The following VNN2 variants were observed in gnomAD, a reference collection of about 807,000 sequenced individuals.
VNN2 encodes pantetheine hydrolase VNN2.
A neutral mutation model predicts 43.0 loss-of-function variants in VNN2; 43 were observed. That is an observed-to-expected ratio of 1.00 (90% CI 0.78 to 1.29). VNN2 has a LOEUF of 1.29. Ranked by LOEUF, VNN2 falls within the 50% of genes most tolerant of loss-of-function variation. VNN2 has a pLI of 0.00. For missense variants in VNN2, 652 were observed against 619.7 expected, an observed-to-expected ratio of 1.05 and a Z score of -0.55; for synonymous variants, 230 against 224.3, an observed-to-expected ratio of 1.03 and a Z score of -0.23.
chr6:132,748,727 G>A (rs1485021273), intron 6 of VNN2, among the ~76,000 whole-genome samples: 1 of 152,200 alleles, frequency 6.6e-6, no homozygotes, highest in African/African-American at 2.4e-5. Context: ...ATTCTAATTT[G>A]AAGCCAGCTT....
At chr6:132,748,047 G>A (rs1314396525) in intron 6 of VNN2, among the ~76,000 whole-genome samples, 1 of 152,230 alleles carries the variant, frequency 6.6e-6, no homozygotes, top group Non-Finnish European at 1.5e-5. Flanking sequence ...TGGCAAAGTA[G>A]TACGAGAAAA....
At position 132,749,688 on chromosome 6, in the gene VNN2, C is replaced by A; in HGVS notation, c.1371+7G>T. The A allele has an allele frequency of 1.2e-6, 2 of 1,609,506 alleles. No individual in the cohort carries two copies. Among genetic ancestry groups the A allele is most frequent in the Non-Finnish European group, 1.7e-6 (2 of 1,177,674 alleles). ...AAATGAAAATACTCTTATAAAAGTCCTCTTACCTCAAATTTTCCAGGTGAC... is the reference window on the plus strand; with the variant it reads ...AAATGAAAATACTCTTATAAAAGTCATCTTACCTCAAATTTTCCAGGTGAC... On this transcript the variant is annotated splice_region_variant and intron_variant, in intron 6 of 6. Transcript: ENST00000326499.
Position 132,757,117 on chromosome 6 carries a change from A to G in VNN2, c.344+299T>C, listed in dbSNP as rs3817927. Reference sequence around the variant, plus strand: ...GGCTTTGGAATGTATTCCTAACACAATCCACTGTCTACTTCAGAAATTAAG... The same window carrying G: ...GGCTTTGGAATGTATTCCTAACACAGTCCACTGTCTACTTCAGAAATTAAG... On this transcript the variant is annotated intron_variant, in intron 2 of 6. Transcript: ENST00000326499. Among the ~76,000 whole-genome samples the G allele has an allele frequency of 1.3e-4, 20 of 152,262 alleles. No homozygotes were observed. The East Asian group carries it at 3.7e-3, about 28-fold the overall frequency.
chr6:132,750,718 G>A (rs902236882), intron 5 of VNN2, among the ~76,000 whole-genome samples: 26 of 150,548 alleles, frequency 1.7e-4, no homozygotes, highest in Non-Finnish European at 2.2e-4. Context: ...CAAAACCCGG[G>A]ACATCTGATT....
intron 6 of VNN2, among the ~76,000 whole-genome samples, chr6:132,745,655 C>T (rs1409221591): frequency 2.0e-5 from 3 of 152,136 alleles, no homozygotes; most frequent in African/African-American, 4.8e-5. Flanking sequence ...CACTGGCTAG[C>T]GCTGAAGATT....
Position 132,757,465 on chromosome 6 carries a change from C to A in VNN2, c.295G>T (p.Asp99Tyr), listed in dbSNP as rs780160042. Reference protein sequence around the residue: ...TRETVFPYLEDIPDPQVNWIP... With the variant: ...TRETVFPYLEYIPDPQVNWIP... ...CAGTTCACCTGAGGGTCTGGGATAT[C>A]CTCCAGATAAGGGAAAACAGTTTCC... The change falls in exon 2 of 7, where the codon GAT becomes TAT. Residue 99 changes from aspartate (D) to tyrosine (Y), a missense_variant. Asp to Tyr is a radical substitution (Grantham distance 160). Transcript: ENST00000326499. The A allele has an allele frequency of 4.3e-6, 7 of 1,613,936 alleles. No homozygotes were observed. Among genetic ancestry groups the A allele is most frequent in the Admixed American group, 1.7e-5 (1 of 59,994 alleles).
upstream of VNN2, among the ~76,000 whole-genome samples, chr6:132,761,727 C>T (rs1356230728): frequency 6.6e-6 from 1 of 152,112 alleles, no homozygotes; most frequent in Non-Finnish European, 1.5e-5. Context: ...AATTGTGAAT[C>T]TGATCATCTG....
chr6:132,747,356 G>A (rs144951371), intron 6 of VNN2, among the ~76,000 whole-genome samples: 66 of 152,228 alleles, frequency 4.3e-4, no homozygotes, highest in African/African-American at 1.5e-3. Context: ...GGTGGCTCAT[G>A]CCTGTAATTC....
At position 132,752,466 on chromosome 6, in the gene VNN2, A is replaced by G. The variant is rs1409209114; in HGVS notation, c.821T>C (p.Met274Thr). 6.2e-7 allele frequency: 1 copy of G among 1,612,214 alleles called. No individual in the cohort carries two copies. Among genetic ancestry groups the G allele is most frequent in the African/African-American group, 1.3e-5 (1 of 74,866 alleles). The change falls in exon 4 of 7, where the codon ATG becomes ACG. Residue 274 changes from methionine to threonine, a missense_variant. Physicochemically the swap from Met to Thr is moderately conservative, Grantham distance 81 (BLOSUM62 -1). Transcript: ENST00000326499. ...VANTHHVSLNMTGSGIYAPNG... is the reference protein window; with the variant it reads ...VANTHHVSLNTTGSGIYAPNG... ...CTAACCTGGTCATGAATTACCTGTC[A>G]TATTTAGGCTGACATGATGTGTGTT...
At position 132,755,832 on chromosome 6, in the gene VNN2, C is replaced by T; in HGVS notation, c.537+11G>A. 6.2e-7 allele frequency: 1 copy of T among 1,600,304 alleles called. No individual in the cohort carries two copies. Among genetic ancestry groups the T allele is most frequent in the Non-Finnish European group, 8.5e-7 (1 of 1,172,208 alleles). On this transcript the variant is annotated intron_variant, in intron 3 of 6. Transcript: ENST00000326499. The stretch of plus-strand genomic sequence containing the variant: ...CACGCTCCATTTTACACGTCCGTCA[C>T]TCTCTCTTACCTTATGGTAACGTGC...
chr6:132,745,789 C>T (rs1779681115), intron 6 of VNN2, among the ~76,000 whole-genome samples: 1 of 151,922 alleles, frequency 6.6e-6, no homozygotes, highest in African/African-American at 2.4e-5. Context: ...ATGTACAAAG[C>T]AATTGAACAA....
upstream of VNN2, chr6:132,757,959 CAT>C: frequency 1.7e-6 from 2 of 1,180,736 alleles, no homozygotes; most frequent in Non-Finnish European, 2.3e-6. Flanking sequence ...GTTTGCATAA[CAT>C]GTGGCTGCCA....
chr6:132,756,813 T>C (rs1780506102), intron 2 of VNN2, among the ~76,000 whole-genome samples: 2 of 152,174 alleles, frequency 1.3e-5, no homozygotes, highest in African/African-American at 4.8e-5. Context: ...TGATTTTCTA[T>C]CTCCAGATAT....
At chr6:132,752,834 T>C (rs1404495122) in intron 3 of VNN2, 85 bp from the exon 4 acceptor site, 13 of 1,463,262 alleles carry the variant, frequency 8.9e-6, no homozygotes, top group Non-Finnish European at 6.4e-6. Context: ...TGGTAACAGA[T>C]TTGGCTATGG....
chr6:132,757,729 T>G lies in VNN2; in HGVS notation c.155A>C (p.Asn52Thr). The G allele has an allele frequency of 6.2e-7, 1 of 1,614,184 alleles. No homozygotes were observed. The highest frequency in any genetic ancestry group is 8.5e-7 in the Non-Finnish European group (1 of 1,180,028). Residue 52 changes from asparagine to threonine, a missense_variant, in exon 1 of 7, where the codon AAT becomes ACT. Transcript: ENST00000326499. ...AATGTCTATATTCTCGTTCATGAGA[T>G]TCAAGGCATCCTCCTGAGAAACTGG... ...ETPVSQEDAL[N>T]LMNENIDILE... is the part of the protein sequence containing the mutation.
Position 132,751,175 on chromosome 6 carries a change from T to C in VNN2, c.1170A>G (p.Leu390=), listed in dbSNP as rs370317865. The stretch of plus-strand genomic sequence containing the variant: ...AGTACTCTCTTCTCCTTCGGCCATG[T>C]AATCCTGTAAAAGCTCCTAGAACGT... ...EVYVLGAFTG[L]HGRRRREYWQ... The change falls in exon 5 of 7, where the codon TTA becomes TTG. Residue 390 remains leucine, a synonymous_variant. Transcript: ENST00000326499. 6 of 1,610,748 alleles carry C rather than the reference T, an allele frequency of 3.7e-6. No homozygotes were observed. In the African/African-American group the frequency reaches 8.0e-5, roughly 22 times the overall value.
At chr6:132,758,181 A>G (rs1316033010), upstream of VNN2, among the ~76,000 whole-genome samples, 2 of 150,250 alleles carry the variant, frequency 1.3e-5, no homozygotes, top group East Asian at 3.9e-4. Context: ...AACAGCTAGG[A>G]CTACAGGTGC....
At chr6:132,755,166 C>A (rs1020917554) in intron 3 of VNN2, among the ~76,000 whole-genome samples, 1 of 152,034 alleles carries the variant, frequency 6.6e-6, no homozygotes, top group African/African-American at 2.4e-5. Context: ...GAGACCCTGT[C>A]TCTAAAAAAA....
At position 132,757,597 on chromosome 6, in the gene VNN2, A is replaced by G. The variant is rs773901750; in HGVS notation, c.214-51T>C. On this transcript the variant is annotated intron_variant, in intron 1 of 6. Transcript: ENST00000326499. ...TGATTTTTCCATGTACAACACAGAC[A>G]ATTCAGCTCTCTCGTCTTCCACCAG... is the stretch of plus-strand genomic sequence containing the variant. 1.1e-5 allele frequency: 17 copies of G among 1,608,062 alleles called. No individual in the cohort carries two copies. In the Admixed American group the frequency reaches 2.2e-4, roughly 21 times the overall value.
Sources: gnomAD v4.1 joint callset for allele counts (sites outside exome capture counted in the v4.1 genomes callset) on GRCh38, gnomAD v4.1.1 for gene constraint, MANE v1.5 for transcripts, NCBI Gene and HGNC (gene_info 2026-07-23, HGNC 2026-07-21) for gene names.